The following LIN7B variants were observed in gnomAD, a reference collection of about 807,000 sequenced individuals.
The protein encoded by LIN7B is protein lin-7 homolog B.
LIN7B carries 16 observed loss-of-function variants against 27.9 expected under a neutral mutation model. The observed-to-expected ratio is 0.57, with a 90% CI of 0.39 to 0.87. The LOEUF (loss-of-function observed/expected upper bound fraction) is 0.87. Among genes scored for constraint, LIN7B ranks in the 40% least tolerant of loss-of-function variants. The pLI is 0.00. For missense variants in LIN7B, 291 were observed against 288.5 expected (o/e 1.01, Z -0.06); for synonymous variants, 147 against 120.8 (o/e 1.22, Z -1.42).
At chr19:49,115,379 C>T in intron 3 of LIN7B, 48 bp downstream of exon 3, 3 of 1,464,392 alleles carry the variant, frequency 2.0e-6, no homozygotes, top group Non-Finnish European at 2.8e-6. Flanking sequence ...ACTGCCTAGT[C>T]GAACTCAATA....
chr19:49,115,151 G>T, intron 2 of LIN7B, 109 bp from the exon 3 acceptor site: 5 of 1,029,690 alleles, frequency 4.9e-6, no homozygotes, highest in Non-Finnish European at 6.8e-6. Flanking sequence ...CTGTTGCGGG[G>T]GCGGGGCGGA....
At chr19:49,116,062 C>T (rs1298659884) in intron 3 of LIN7B, 5 of 558,730 alleles carry the variant, frequency 8.9e-6, no homozygotes, top group African/African-American at 1.9e-5. Flanking sequence ...AGACACACAC[C>T]AAATGGACAC....
In LIN7B at chr19:49,115,202, C is replaced by A; in HGVS notation, c.157-58C>A. ...GGGAGAGGGTCTAGAGGCCTGAACT[C>A]CTGCGTCTAGGGCTGGAGGAGCTGG... is the stretch of plus-strand genomic sequence containing the variant. On this transcript the variant is annotated intron_variant, in intron 2 of 5. Transcript: ENST00000221459. The A allele has an allele frequency of 4.1e-6, 6 of 1,480,270 alleles. No homozygotes were observed. The South Asian group carries it at 6.2e-5, about 15-fold the overall frequency. 91.7% of individuals were successfully genotyped at this position (1,480,270 alleles called of 1,614,324 possible).
chr19:49,115,497 C>T (rs1276813402), intron 3 of LIN7B, 166 bp downstream of exon 3: 3 of 636,342 alleles, frequency 4.7e-6, no homozygotes, highest in Non-Finnish European at 8.2e-6. Flanking sequence ...AAATGTCATA[C>T]TAAGGCATCT....
intron 2 of LIN7B, 25 bp downstream of exon 2, chr19:49,114,992 G>T: frequency 7.4e-7 from 1 of 1,352,392 alleles, no homozygotes; most frequent in Admixed American, 2.9e-5. Context: ...GCGCAGGGGC[G>T]CGAGCTGGTG....
rs929181651 is a variant in LIN7B at position 49,115,103 on chromosome 19, C to T, written c.156+136C>T. Reference sequence around the variant, plus strand: ...CCGCCTTGGGGTGCCAACGCTTCAGCTCAGGGGTTCTTCGGGAGTTGTAGT... The same window carrying T: ...CCGCCTTGGGGTGCCAACGCTTCAGTTCAGGGGTTCTTCGGGAGTTGTAGT... On this transcript the variant is annotated intron_variant, in intron 2 of 5. Transcript: ENST00000221459. The T allele has an allele frequency of 2.7e-5, 24 of 896,612 alleles. No individual in the cohort carries two copies. In the African/African-American group the frequency reaches 3.7e-4, roughly 14 times the overall value. The allele number at this position is 896,612 out of a possible 1,614,324, so 55.5% of individuals were successfully genotyped here.
rs1022198487 is a variant in LIN7B at position 49,114,375 on chromosome 19, AGGCGGGC to A, written c.-26_-20del. 1.7e-5 allele frequency: 20 copies of A among 1,188,624 alleles called. No individual in the cohort carries two copies. Among genetic ancestry groups the A allele is most frequent in the Middle Eastern group, 3.3e-4 (1 of 3,002 alleles). The allele number at this position is 1,188,624 out of a possible 1,614,324, so 73.6% of individuals were successfully genotyped here. On this transcript the variant is annotated 5_prime_UTR_variant, in exon 1 of 6. Transcript: ENST00000221459. ...CCGCCCTCCTCGCCGGCGCCAGGGC[AGGCGGGC>A]GGCTGGCAGCTGTGGCGCCGACATG...
intron 4 of LIN7B, among the ~76,000 whole-genome samples, 168 bp downstream of exon 4, chr19:49,116,640 A>G (rs1483687078): frequency 6.6e-6 from 1 of 152,260 alleles, no homozygotes; most frequent in African/African-American, 2.4e-5. Context: ...CCTACACTCA[A>G]CCTTCTCTCT....
At chr19:49,114,680 G>T in intron 1 of LIN7B, 169 bp from the exon 2 acceptor site, 2 of 446,276 alleles carry the variant, frequency 4.5e-6, no homozygotes, top group Non-Finnish European at 7.4e-6. Context: ...CCGCAGGGCC[G>T]CTGGTGGCAG....
At chr19:49,117,833 C>T (rs764834031) in intron 4 of LIN7B, 22 bp from the exon 5 acceptor site, 10 of 1,608,086 alleles carry the variant, frequency 6.2e-6, no homozygotes, top group Middle Eastern at 1.7e-4. Flanking sequence ...CCAGGCTCAG[C>T]TGTCTGTGTT....
At chr19:49,114,554 G>A (rs1043701377) in intron 1 of LIN7B, 113 bp downstream of exon 1, 3 of 861,952 alleles carry the variant, frequency 3.5e-6, no homozygotes, top group Non-Finnish European at 3.0e-6. Flanking sequence ...GACCCGGAGG[G>A]GGTGGGCGGG....
At position 49,114,436 on chromosome 19, in the gene LIN7B, A is replaced by G; in HGVS notation, c.32A>G (p.Glu11Gly). 8.3e-7 allele frequency: 1 copy of G among 1,207,556 alleles called. No homozygotes were observed. The highest frequency in any genetic ancestry group is 1.0e-6 in the Non-Finnish European group (1 of 972,382). 74.8% of individuals were successfully genotyped at this position (1,207,556 alleles called of 1,614,324 possible). A position where few individuals can be genotyped will look rare whatever the true frequency, so the allele number is the denominator to read the frequency against. MAALVEPLGL[E>G]RDVSRAVELL... Reference sequence around the variant, plus strand: ...GCGCTGGTGGAGCCGCTGGGGCTGGAGCGGGGTAAGCGTGCGCCAGGGGGC... The same window carrying G: ...GCGCTGGTGGAGCCGCTGGGGCTGGGGCGGGGTAAGCGTGCGCCAGGGGGC... Residue 11 changes from glutamate to glycine, a missense_variant, in exon 1 of 6, where the codon GAG becomes GGG. Physicochemically the swap from Glu to Gly is moderately conservative, Grantham distance 98. Transcript: ENST00000221459.
At chr19:49,116,547 C>G (rs947921238) in intron 4 of LIN7B, 75 bp downstream of exon 4, 2 of 1,313,310 alleles carry the variant, frequency 1.5e-6, no homozygotes, top group Non-Finnish European at 1.1e-6. Context: ...TTGACATTCA[C>G]TCAACACACA....
chr19:49,118,355 C>T lies in LIN7B; in HGVS notation c.606C>T (p.Ser202=). The part of the protein sequence containing the change: ...RRRQQHQSYS[S]LESRG ...CCCTTGTCCACCCCCCTTGCAGGTC[C>T]TTGGAGTCTCGAGGTTGAAACCACA... is the stretch of plus-strand genomic sequence containing the variant. Residue 202 remains serine (S), a synonymous_variant, in exon 6 of 6, where the codon TCC becomes TCT. Transcript: ENST00000221459. 1 of 1,614,166 alleles carries T rather than the reference C, an allele frequency of 6.2e-7. No individual in the cohort carries two copies. Among genetic ancestry groups the T allele is most frequent in the Non-Finnish European group, 8.5e-7 (1 of 1,179,994 alleles).
chr19:49,118,100 T>C, intron 5 of LIN7B, 82 bp downstream of exon 5: 1 of 1,567,764 alleles, frequency 6.4e-7, no homozygotes, highest in African/African-American at 1.4e-5. Flanking sequence ...CAGTGCTTCC[T>C]GGATCTTCCA....
At chr19:49,117,828 C>T in intron 4 of LIN7B, 27 bp from the exon 5 acceptor site, 3 of 1,604,140 alleles carry the variant, frequency 1.9e-6, no homozygotes, top group Non-Finnish European at 2.6e-6. Flanking sequence ...GGGCCCCAGG[C>T]TCAGCTGTCT....
At chr19:49,115,409 TTC>T (rs775268925) in intron 3 of LIN7B, 78 bp downstream of exon 3, 34 of 1,267,488 alleles carry the variant, frequency 2.7e-5, no homozygotes, top group African/African-American at 9.7e-5. Context: ...TGCCAGTCAT[TTC>T]TGTTTCCTCC....
At chr19:49,115,830 C>CAAAAAAAA (rs761676853) in intron 3 of LIN7B, 6 of 76,588 alleles carry the variant, frequency 7.8e-5, no homozygotes, top group Non-Finnish European at 1.1e-4. Context: ...CACAGAAATA[C>CAAAAAAAA]AAAAAAAAAA....
chr19:49,115,326 G>T lies in LIN7B; in HGVS notation c.223G>T (p.Ala75Ser). The change falls in exon 3 of 6, where the codon GCC becomes TCC. Residue 75 changes from alanine (A) to serine (S), a missense_variant. Physicochemically the swap from Ala to Ser is moderately conservative, Grantham distance 99. Transcript: ENST00000221459. ...CGCCGAGATCCGAGCCCATGCCACA[G>T]CCAAGGTGGGCCCCGCACCCCATTG... ...GSAEIRAHAT[A>S]KATVAAFTAS... is the part of the protein sequence containing the mutation. 1.3e-6 allele frequency: 2 copies of T among 1,570,622 alleles called. No individual in the cohort carries two copies. Among genetic ancestry groups the T allele is most frequent in the Non-Finnish European group, 1.7e-6 (2 of 1,156,846 alleles).
Sources: allele counts gnomAD v4.1 joint callset (sites outside exome capture counted in the v4.1 genomes callset), GRCh38; gene constraint gnomAD v4.1.1; transcripts MANE v1.5; gene names NCBI Gene and HGNC (gene_info 2026-07-23, HGNC 2026-07-21).